Variants in PTPRD observed in about 807,000 individuals in gnomAD.
PTPRD encodes protein tyrosine phosphatase receptor type D.
A neutral mutation model predicts 214.5 loss-of-function variants in PTPRD; 34 were observed. The observed-to-expected ratio is 0.16, with a 90% CI of 0.12 to 0.21. The LOEUF is 0.21. Ranked by LOEUF, PTPRD falls within the 10% of genes least tolerant of loss-of-function variation. PTPRD has a pLI of 1.00. For missense variants in PTPRD, 2,545 were observed against 2,398.7 expected (o/e 1.06, Z -1.27); for synonymous variants, 1,128 against 845.7 (o/e 1.33, Z -5.79).
At chr9:8,840,104 G>A (rs138565002) in intron 11 of PTPRD, among the ~76,000 whole-genome samples, 10 of 152,144 alleles carry the variant, frequency 6.6e-5, no homozygotes, top group African/African-American at 1.7e-4. Context: ...TAAAAGTTAC[G>A]GTATAGAACG....
In PTPRD at chr9:8,929,953, G is replaced by A. The variant is rs866607751; in HGVS notation, c.-104+88744C>T. On this transcript the variant is annotated intron_variant, in intron 11 of 45. Transcript: ENST00000381196. ...TGTGTATATATATATGTGTGTGTGT[G>A]TATATATATATATAACTATTATTAT... Among the ~76,000 whole-genome samples, 55 of 148,070 alleles carry A rather than the reference G, an allele frequency of 3.7e-4. 2 individuals are homozygous for A. Among genetic ancestry groups the A allele is most frequent in the Non-Finnish European group, 7.0e-4 (47 of 67,130 alleles).
At chr9:10,475,137 A>G (rs2099054449) in intron 2 of PTPRD, among the ~76,000 whole-genome samples, 1 of 152,180 alleles carries the variant, frequency 6.6e-6, no homozygotes, top group African/African-American at 2.4e-5. Context: ...CTAAGATTAG[A>G]GCAGAATTGA....
intron 10 of PTPRD, among the ~76,000 whole-genome samples, chr9:9,052,177 C>A (rs1569509987): frequency 6.6e-6 from 1 of 152,082 alleles, no homozygotes. Context: ...GCAGAAGGGG[C>A]AAGGGAGCTC....
chr9:9,897,131 T>TACACACACACACACAC (rs60964311), intron 5 of PTPRD, among the ~76,000 whole-genome samples: 65 of 148,986 alleles, frequency 4.4e-4, no homozygotes, highest in African/African-American at 1.5e-3. Flanking sequence ...CTCTTACACT[T>TACACACACACACACAC]ACACACACAC....
chr9:9,986,205 C>A (rs1313357087), intron 4 of PTPRD, among the ~76,000 whole-genome samples: 2 of 151,902 alleles, frequency 1.3e-5, no homozygotes, highest in Admixed American at 1.3e-4. Flanking sequence ...TCCAGAATGC[C>A]GAAAGTTTTA....
intron 3 of PTPRD, among the ~76,000 whole-genome samples, chr9:10,238,756 T>TCCAA (rs2099637269): frequency 6.6e-6 from 1 of 151,960 alleles, no homozygotes; most frequent in Non-Finnish European, 1.5e-5. Flanking sequence ...AAGCTAATTT[T>TCCAA]GTTAATTATG....
intron 7 of PTPRD, among the ~76,000 whole-genome samples, chr9:9,714,346 A>T (rs1311979069): frequency 6.6e-6 from 1 of 152,172 alleles, no homozygotes; most frequent in Non-Finnish European, 1.5e-5. Context: ...ACAAACTGAA[A>T]TCTGCAAGGA....
chr9:9,027,828 T>C (rs1377033757), intron 10 of PTPRD, among the ~76,000 whole-genome samples: 1 of 151,982 alleles, frequency 6.6e-6, no homozygotes, highest in African/African-American at 2.4e-5. Flanking sequence ...CCTAAATTTT[T>C]ATGTTATTGA....
At chr9:9,799,117 G>C (rs894558196) in intron 5 of PTPRD, among the ~76,000 whole-genome samples, 1 of 152,004 alleles carries the variant, frequency 6.6e-6, no homozygotes, top group Non-Finnish European at 1.5e-5. Context: ...TGACCAGAAG[G>C]TTCCCTCCAA....
intron 11 of PTPRD, among the ~76,000 whole-genome samples, chr9:8,752,052 G>A (rs903645675): frequency 6.6e-6 from 1 of 152,098 alleles, no homozygotes; most frequent in African/African-American, 2.4e-5. Context: ...CCTTCCACTT[G>A]CTGACCTGGG....
At chr9:8,335,166 G>C (rs1175020606) in intron 43 of PTPRD, among the ~76,000 whole-genome samples, 1 of 151,838 alleles carries the variant, frequency 6.6e-6, no homozygotes, top group African/African-American at 2.4e-5. Flanking sequence ...GCATCATCCT[G>C]ATACCAAAAC....
At chr9:9,133,527 A>G (rs2099846042) in intron 10 of PTPRD, among the ~76,000 whole-genome samples, 1 of 152,204 alleles carries the variant, frequency 6.6e-6, no homozygotes, top group Admixed American at 6.5e-5. Context: ...TATTTCATAA[A>G]CAAAGTAATG....
chr9:8,992,420 C>T (rs754811560), intron 11 of PTPRD, among the ~76,000 whole-genome samples: 3 of 152,232 alleles, frequency 2.0e-5, no homozygotes, highest in East Asian at 1.9e-4. Flanking sequence ...GGTTAGCTAA[C>T]GTTTGAAGTA....
intron 2 of PTPRD, among the ~76,000 whole-genome samples, chr9:10,477,058 G>C (rs1400731278): frequency 4.0e-5 from 6 of 151,840 alleles, no homozygotes; most frequent in African/African-American, 1.4e-4. Context: ...ATACCATTCA[G>C]GACATAGGCA....
intron 2 of PTPRD, among the ~76,000 whole-genome samples, chr9:10,373,413 A>C (rs1429196847): frequency 1.3e-5 from 2 of 152,066 alleles, no homozygotes; most frequent in Non-Finnish European, 2.9e-5. Flanking sequence ...TTTGTATTTG[A>C]ATACAACTTA....
intron 7 of PTPRD, among the ~76,000 whole-genome samples, chr9:9,627,933 A>G (rs541889314): frequency 1.3e-5 from 2 of 152,156 alleles, no homozygotes; most frequent in African/African-American, 4.8e-5. Context: ...ACCAAAACCT[A>G]TATTTTACAA....
At chr9:8,946,549 G>C (rs2099065571) in intron 11 of PTPRD, among the ~76,000 whole-genome samples, 1 of 152,194 alleles carries the variant, frequency 6.6e-6, no homozygotes, top group Non-Finnish European at 1.5e-5. Flanking sequence ...ATGGGCTTTA[G>C]CAGAAGCGCA....
chr9:8,317,480 G>T lies in PTPRD; in HGVS notation c.*394C>A. 2 of 244,306 alleles carry T rather than the reference G, an allele frequency of 8.2e-6. No individual in the cohort carries two copies. The highest frequency in any genetic ancestry group is 5.7e-5 in the East Asian group (1 of 17,616). 15.1% of individuals were successfully genotyped at this position (244,306 alleles called of 1,614,324 possible). On this transcript the variant is annotated 3_prime_UTR_variant, in exon 46 of 46. Coordinates refer to ENST00000381196, the MANE Select transcript of PTPRD (RefSeq NM_002839.4). ...ATGTCAAAGCAGAGTCCGTTTCATT[G>T]TGAGAAGCCACACCAGCACATATCT...
At chr9:9,154,026 G>C (rs1055673558) in intron 10 of PTPRD, among the ~76,000 whole-genome samples, 2 of 152,290 alleles carry the variant, frequency 1.3e-5, no homozygotes, top group South Asian at 4.1e-4. Flanking sequence ...CCAGTGGAAT[G>C]TGAGTAGACG....
Sources: gnomAD v4.1 joint callset for allele counts (sites outside exome capture counted in the v4.1 genomes callset) on GRCh38, gnomAD v4.1.1 for gene constraint, MANE v1.5 for transcripts, NCBI Gene and HGNC (gene_info 2026-07-23, HGNC 2026-07-21) for gene names.